NRXN3: variants seen among roughly 807,000 people sequenced by gnomAD.
NRXN3 encodes neurexin 3, also known as neurexin III.
In NRXN3, 32 loss-of-function variants were observed where a neutral mutation model predicts 137.6. That is an observed-to-expected ratio of 0.23 (90% confidence interval 0.18 to 0.31). The LOEUF is 0.31. Ranked by LOEUF, NRXN3 falls within the 10% of genes least tolerant of loss-of-function variation. The pLI, the probability that NRXN3 is intolerant of heterozygous loss-of-function variation, is 1.00. For synonymous variants in NRXN3, 798 were observed against 784.5 expected, an observed-to-expected ratio of 1.02 and a Z score of -0.29; for missense variants, 1,574 against 2,062.5, an observed-to-expected ratio of 0.76 and a Z score of 4.59.
intron 8 of NRXN3, among the ~76,000 whole-genome samples, chr14:78,781,152 AG>A (rs2098767868): frequency 6.6e-6 from 1 of 152,240 alleles, no homozygotes; most frequent in Non-Finnish European, 1.5e-5. Context: ...GAGTGAAAAA[AG>A]CAAATTACTG....
At chr14:78,979,698 G>A (rs570340263) in intron 14 of NRXN3, among the ~76,000 whole-genome samples, 2 of 152,262 alleles carry the variant, frequency 1.3e-5, no homozygotes, top group South Asian at 2.1e-4. Context: ...TAAAGAAAAA[G>A]AGACTTAATG....
Position 79,212,703 on chromosome 14 carries a change from C to T in NRXN3, c.3262+224562C>T, listed in dbSNP as rs553203907. 3.3e-5 allele frequency among the ~76,000 whole-genome samples: 5 copies of T among 152,240 alleles called. No homozygotes were observed. The South Asian group carries it at 8.3e-4, about 25-fold the overall frequency. On this transcript the variant is annotated intron_variant, in intron 15 of 20. Coordinates refer to ENST00000335750, the MANE Select transcript of NRXN3 (RefSeq NM_001330195.2). ...CACACAAGCCCTACACAAATGGTAT[C>T]GTGCCCAAATGAGTGTTGGAAATGC...
At chr14:79,501,380 A>G (rs1052774764) in intron 16 of NRXN3, among the ~76,000 whole-genome samples, 1 of 152,074 alleles carries the variant, frequency 6.6e-6, no homozygotes, top group East Asian at 1.9e-4. Flanking sequence ...TTAAGCGTAC[A>G]TCTTCCCCTT....
chr14:79,122,465 C>A (rs1242328573), intron 15 of NRXN3, among the ~76,000 whole-genome samples: 2 of 152,036 alleles, frequency 1.3e-5, no homozygotes, highest in African/African-American at 4.8e-5. Flanking sequence ...AATGCTAATG[C>A]CATTAGCACT....
At chr14:78,595,332 A>T (rs993324533) in intron 4 of NRXN3, among the ~76,000 whole-genome samples, 1 of 152,184 alleles carries the variant, frequency 6.6e-6, no homozygotes, top group Non-Finnish European at 1.5e-5. Context: ...GTGGTTAAGG[A>T]CAACTTCTGC....
intron 4 of NRXN3, among the ~76,000 whole-genome samples, chr14:78,559,948 G>T (rs1219936014): frequency 2.0e-5 from 3 of 152,316 alleles, no homozygotes; most frequent in South Asian, 4.1e-4. Flanking sequence ...GCACCTTTTG[G>T]ATTGTAAATT....
chr14:78,999,317 A>G (rs573647969), intron 15 of NRXN3, among the ~76,000 whole-genome samples: 86 of 152,346 alleles, frequency 5.6e-4, no homozygotes, highest in African/African-American at 1.3e-3. Flanking sequence ...TGGAAAACAC[A>G]TAAAAGTATG....
intron 19 of NRXN3, among the ~76,000 whole-genome samples, chr14:79,732,727 A>T (rs1006937920): frequency 4.6e-5 from 7 of 152,202 alleles, no homozygotes; most frequent in African/African-American, 1.7e-4. Flanking sequence ...AATTCCCACA[A>T]TAACTGTACA....
In NRXN3 at chr14:78,330,940, C is replaced by T. The variant is rs189109376; in HGVS notation, c.757+33080C>T. 1.3e-5 allele frequency among the ~76,000 whole-genome samples: 2 copies of T among 152,208 alleles called. 1 individual carries two copies. Among genetic ancestry groups the T allele is most frequent in the African/African-American group, 4.8e-5 (2 of 41,546 alleles). On this transcript the variant is annotated intron_variant, in intron 4 of 20. Transcript: ENST00000335750. ...TTGCCCCTTATTAAATAAAATATAT[C>T]AGTACATTTCCTAACATTTCCCAGT...
intron 16 of NRXN3, among the ~76,000 whole-genome samples, chr14:79,479,780 C>A (rs1387981182): frequency 6.6e-6 from 1 of 152,044 alleles, no homozygotes; most frequent in Non-Finnish European, 1.5e-5. Flanking sequence ...AAGCCACTTT[C>A]TTAAATACTC....
intron 15 of NRXN3, among the ~76,000 whole-genome samples, chr14:79,290,408 T>A (rs901105811): frequency 6.6e-6 from 1 of 152,192 alleles, no homozygotes; most frequent in South Asian, 2.1e-4. Context: ...TGTGGTGTCA[T>A]AGAAGGGAAA....
chr14:79,491,670 TGAGAGAAAGAGA>T (rs1425035926), intron 16 of NRXN3, among the ~76,000 whole-genome samples: 17 of 151,926 alleles, frequency 1.1e-4, no homozygotes, highest in South Asian at 4.2e-4. Flanking sequence ...TGTGTGTGTG[TGAGAGAAAGAGA>T]GAGAGAGAGA....
chr14:78,656,552 C>T (rs765262789), intron 6 of NRXN3, among the ~76,000 whole-genome samples: 1 of 152,056 alleles, frequency 6.6e-6, no homozygotes, highest in Non-Finnish European at 1.5e-5. Flanking sequence ...TTCATAGAGG[C>T]CTTTATTTCA....
At chr14:78,820,043 A>G (rs907445862) in intron 10 of NRXN3, among the ~76,000 whole-genome samples, 3 of 152,004 alleles carry the variant, frequency 2.0e-5, no homozygotes, top group Non-Finnish European at 2.9e-5. Context: ...AGTCCTTAAA[A>G]TTTTTATTGT....
At chr14:79,644,671 G>A (rs1185808469) in intron 16 of NRXN3, among the ~76,000 whole-genome samples, 1 of 135,890 alleles carries the variant, frequency 7.4e-6, no homozygotes, top group East Asian at 2.0e-4. Flanking sequence ...TTTTAAGATG[G>A]CAGCCTTTAA....
At chr14:79,209,616 T>A (rs1048202554) in intron 15 of NRXN3, among the ~76,000 whole-genome samples, 2 of 152,336 alleles carry the variant, frequency 1.3e-5, no homozygotes, top group South Asian at 2.1e-4. Context: ...CTGTCTTGTT[T>A]TCATAGCACT....
chr14:79,673,339 T>A (rs569621119), intron 17 of NRXN3, among the ~76,000 whole-genome samples: 1 of 152,234 alleles, frequency 6.6e-6, no homozygotes, highest in Non-Finnish European at 1.5e-5. Flanking sequence ...CTTGATGGCA[T>A]AGTTTACTAA....
At chr14:79,026,660 G>C (rs866482382) in intron 15 of NRXN3, among the ~76,000 whole-genome samples, 34 of 152,174 alleles carry the variant, frequency 2.2e-4, no homozygotes, top group Admixed American at 4.6e-4. Flanking sequence ...TGAGTGGAAA[G>C]GAAATCTCTG....
rs147198413 is a variant in NRXN3 at position 79,024,813 on chromosome 14, G to A, written c.3262+36672G>A. 9.7e-3 allele frequency among the ~76,000 whole-genome samples: 1,482 copies of A among 152,156 alleles called. 24 individuals are homozygous for A. The highest frequency in any genetic ancestry group is 0.034 in the African/African-American group (1,423 of 41,504). On this transcript the variant is annotated intron_variant, in intron 15 of 20. Transcript: ENST00000335750. ...GCAAAATATTGCTCCTACACACAAG[G>A]TACCTCTTCTCCTTTTTTCACTTGC...
Sources: gnomAD v4.1 joint callset for allele counts (sites outside exome capture counted in the v4.1 genomes callset) on GRCh38, gnomAD v4.1.1 for gene constraint, MANE v1.5 for transcripts, NCBI Gene and HGNC (gene_info 2026-07-23, HGNC 2026-07-21) for gene names.